RALYL: variants seen among roughly 807,000 people sequenced by gnomAD.
The protein encoded by RALYL is RALY RNA binding protein like, also known as RNA-binding Raly-like protein.
A neutral mutation model predicts 35.1 loss-of-function variants in RALYL; 29 were observed. That is an observed-to-expected ratio of 0.83 (90% confidence interval 0.61 to 1.13). The LOEUF is 1.13. RALYL is among the 50% of genes most tolerant of loss of function. The pLI, the probability that RALYL is intolerant of heterozygous loss-of-function variation, is 0.00. For synonymous variants in RALYL, 120 were observed against 127.6 expected (o/e 0.94, Z 0.40); for missense variants, 359 against 360.4 (o/e 1.00, Z 0.03).
At chr8:84,503,740 T>G (rs2056915352) in intron 1 of RALYL, among the ~76,000 whole-genome samples, 1 of 151,776 alleles carries the variant, frequency 6.6e-6, no homozygotes, top group African/African-American at 2.4e-5. Flanking sequence ...TCCCACCTAC[T>G]CTGAAGGCTG....
At chr8:84,888,099 T>C (rs1843209956) in intron 8 of RALYL, among the ~76,000 whole-genome samples, 1 of 152,338 alleles carries the variant, frequency 6.6e-6, no homozygotes, top group South Asian at 2.1e-4. Context: ...AAGTGAACTA[T>C]ATGTGGATAT....
At chr8:84,761,624 C>T (rs549300269) in intron 2 of RALYL, among the ~76,000 whole-genome samples, 8 of 152,110 alleles carry the variant, frequency 5.3e-5, no homozygotes, top group Non-Finnish European at 1.2e-4. Context: ...CCACTTTTTA[C>T]CTTCCACAGC....
At chr8:84,809,064 G>A (rs528473212) in intron 4 of RALYL, among the ~76,000 whole-genome samples, 5 of 152,020 alleles carry the variant, frequency 3.3e-5, no homozygotes, top group Admixed American at 1.3e-4. Context: ...GGTGAGAGTG[G>A]GCATCCTTGT....
chr8:84,604,111 GA>G (rs1334668532), intron 2 of RALYL, among the ~76,000 whole-genome samples: 1 of 151,946 alleles, frequency 6.6e-6, no homozygotes, highest in Non-Finnish European at 1.5e-5. Context: ...AAAATGAATG[GA>G]TATTTTTCTC....
At chr8:84,444,331 A>C (rs2048642464) in intron 1 of RALYL, among the ~76,000 whole-genome samples, 1 of 152,108 alleles carries the variant, frequency 6.6e-6, no homozygotes, top group African/African-American at 2.4e-5. Context: ...CCTGTCAAAG[A>C]AAAGCAAACA....
At chr8:84,916,811 C>A (rs1848550797) in intron 8 of RALYL, among the ~76,000 whole-genome samples, 1 of 152,036 alleles carries the variant, frequency 6.6e-6, no homozygotes, top group Admixed American at 6.6e-5. Context: ...AATTTGAAAT[C>A]AAAAGCTCTT....
At chr8:84,594,411 A>ATTTTTT in intron 2 of RALYL, among the ~76,000 whole-genome samples, 1 of 152,054 alleles carries the variant, frequency 6.6e-6, no homozygotes, top group Non-Finnish European at 1.5e-5. Flanking sequence ...ATCCAAAGTG[A>ATTTTTT]GAACTTTTTA....
intron 2 of RALYL, among the ~76,000 whole-genome samples, chr8:84,564,845 A>G (rs1045071207): frequency 2.6e-5 from 4 of 151,652 alleles, no homozygotes; most frequent in African/African-American, 9.7e-5. Context: ...TCAATCAACA[A>G]ATATATGAAA....
intron 2 of RALYL, among the ~76,000 whole-genome samples, chr8:84,608,587 C>A (rs775457857): frequency 6.6e-6 from 1 of 152,136 alleles, no homozygotes; most frequent in Non-Finnish European, 1.5e-5. Flanking sequence ...ATGTTCAGTG[C>A]ATTTGCTCCA....
chr8:84,292,542 T>C lies in RALYL; in HGVS notation c.-24+108118T>C, dbSNP rs1295329041. ...AGGTATTCTAAGTCACAGGATGAGATAGGAGGTCAACACAAAATACAGGTC... is the reference window on the plus strand; with the variant it reads ...AGGTATTCTAAGTCACAGGATGAGACAGGAGGTCAACACAAAATACAGGTC... On this transcript the variant is annotated intron_variant, in intron 1 of 8. Transcript: ENST00000521268. 2.0e-5 allele frequency among the ~76,000 whole-genome samples: 3 copies of C among 151,960 alleles called. No individual in the cohort carries two copies. The East Asian group carries it at 5.8e-4, about 29-fold the overall frequency.
chr8:84,593,277 C>T (rs1422787397), intron 2 of RALYL, among the ~76,000 whole-genome samples: 1 of 152,022 alleles, frequency 6.6e-6, no homozygotes, highest in African/African-American at 2.4e-5. Flanking sequence ...ATAGTTTCTG[C>T]AGTTCAGGCT....
At chr8:84,822,378 A>C (rs554053339) in intron 4 of RALYL, among the ~76,000 whole-genome samples, 2 of 152,160 alleles carry the variant, frequency 1.3e-5, no homozygotes, top group Non-Finnish European at 2.9e-5. Flanking sequence ...TAATTTTCTT[A>C]AGTTGCCAGG....
chr8:84,451,752 A>T (rs1476549906), intron 1 of RALYL, among the ~76,000 whole-genome samples: 3 of 152,060 alleles, frequency 2.0e-5, no homozygotes, highest in Non-Finnish European at 4.4e-5. Flanking sequence ...CTTTAAAATT[A>T]ATAAGGGGCA....
chr8:84,471,786 A>G (rs2052790372), intron 1 of RALYL, among the ~76,000 whole-genome samples: 1 of 152,222 alleles, frequency 6.6e-6, no homozygotes, highest in Non-Finnish European at 1.5e-5. Flanking sequence ...AAATGGCAAT[A>G]CTAATAAAAC....
At chr8:84,220,891 C>A (rs963883565) in intron 1 of RALYL, among the ~76,000 whole-genome samples, 1 of 151,852 alleles carries the variant, frequency 6.6e-6, no homozygotes, top group African/African-American at 2.4e-5. Flanking sequence ...ATAAACTATA[C>A]TATCTTAGTA....
intron 1 of RALYL, among the ~76,000 whole-genome samples, chr8:84,506,948 A>T (rs1395638039): frequency 1.3e-5 from 2 of 152,098 alleles, no homozygotes; most frequent in Non-Finnish European, 2.9e-5. Context: ...ATTTAACCAT[A>T]AATTGTATGT....
In RALYL at chr8:84,348,968, C is replaced by A. The variant is rs989462962; in HGVS notation, c.-24+164544C>A. Among the ~76,000 whole-genome samples the A allele has an allele frequency of 1.1e-4, 16 of 150,184 alleles. 1 individual carries two copies. Among genetic ancestry groups the A allele is most frequent in the Admixed American group, 7.9e-4 (12 of 15,138 alleles). The stretch of plus-strand genomic sequence containing the variant: ...TCAATTGTAGGCTAAGTTATTCAGG[C>A]AACCCTGAAACAGGCTGGGTAGGGA... On this transcript the variant is annotated intron_variant, in intron 1 of 8. Transcript: ENST00000521268.
intron 2 of RALYL, among the ~76,000 whole-genome samples, chr8:84,734,206 T>G (rs549911454): frequency 1.3e-5 from 2 of 152,178 alleles, no homozygotes; most frequent in African/African-American, 4.8e-5. Context: ...TTTCTATTCC[T>G]GTTGTGCATA....
chr8:84,260,299 T>C (rs1832011818), intron 1 of RALYL, among the ~76,000 whole-genome samples: 2 of 152,162 alleles, frequency 1.3e-5, no homozygotes, highest in Admixed American at 1.3e-4. Flanking sequence ...ACACTGGCAA[T>C]TATTTTTTCT....
Sources: allele counts gnomAD v4.1 joint callset (sites outside exome capture counted in the v4.1 genomes callset), GRCh38; gene constraint gnomAD v4.1.1; transcripts MANE v1.5; gene names NCBI Gene and HGNC (gene_info 2026-07-23, HGNC 2026-07-21).